Variants in CHRM2 observed in about 807,000 individuals in gnomAD.
CHRM2 encodes the protein muscarinic acetylcholine receptor M2.
A neutral mutation model predicts 25.0 loss-of-function variants in CHRM2; 8 were observed. The ratio of observed to expected loss-of-function variants is 0.32; its 90% CI spans 0.19 to 0.58. The LOEUF (loss-of-function observed/expected upper bound fraction) is 0.58. Ranked by LOEUF, CHRM2 falls within the 20% of genes least tolerant of loss-of-function variation. The probability of loss-of-function intolerance (pLI) is 0.88; values close to 1 mark genes in which losing one functional copy is unlikely to be tolerated. For synonymous variants in CHRM2, 202 were observed against 205.7 expected (o/e 0.98, Z 0.15); for missense variants, 440 against 567.1 (o/e 0.78, Z 2.28).
rs904952261 is a variant in CHRM2, at chr7:137,018,260, T to C, written c.*1994T>C. 1 of 151,850 alleles carries C rather than the reference T, an allele frequency of 6.6e-6. No homozygotes were observed. The highest frequency in any genetic ancestry group is 2.4e-5 in the African/African-American group (1 of 41,400). The allele number at this position is 151,850 out of a possible 1,614,324, so 9.4% of individuals were successfully genotyped here. A position where few individuals can be genotyped will look rare whatever the true frequency, so the allele number is the denominator to read the frequency against. On this transcript the variant is annotated 3_prime_UTR_variant, in exon 4 of 4. Transcript: ENST00000680005. ...AGAAGCAAATTGCCAGCAGTATTTA[T>C]ATTTGACTTATCCTTCGTAAAAACA...
At chr7:136,988,373 T>C (rs1332664747) in intron 2 of CHRM2, among the ~76,000 whole-genome samples, 2 of 152,088 alleles carry the variant, frequency 1.3e-5, no homozygotes, top group East Asian at 3.8e-4. Flanking sequence ...AAATCAAATT[T>C]GAGTCAGTAA....
Position 137,016,427 on chromosome 7 carries a change from C to A in CHRM2, c.*161C>A. On this transcript the variant is annotated 3_prime_UTR_variant, in exon 4 of 4. Coordinates refer to ENST00000680005, the MANE Select transcript of CHRM2 (RefSeq NM_001006630.2). Reference sequence around the variant, plus strand: ...CAGTGACACACTTATCACGCCTAGGCTCCAGTTTGCAAAAATTGCACCTTA... The same window carrying A: ...CAGTGACACACTTATCACGCCTAGGATCCAGTTTGCAAAAATTGCACCTTA... 1.4e-6 allele frequency: 1 copy of A among 734,248 alleles called. No homozygotes were observed. Among genetic ancestry groups the A allele is most frequent in the Non-Finnish European group, 2.3e-6 (1 of 441,048 alleles). The allele number at this position is 734,248 out of a possible 1,614,324, so 45.5% of individuals were successfully genotyped here.
At chr7:136,885,433 C>T (rs1299468054) in intron 2 of CHRM2, among the ~76,000 whole-genome samples, 1 of 152,198 alleles carries the variant, frequency 6.6e-6, no homozygotes, top group African/African-American at 2.4e-5. Flanking sequence ...TGAGAAATAT[C>T]CATCATTCAT....
chr7:136,998,747 G>A (rs1298495045), intron 3 of CHRM2, among the ~76,000 whole-genome samples: 1 of 152,154 alleles, frequency 6.6e-6, no homozygotes, highest in Non-Finnish European at 1.5e-5. Flanking sequence ...TGGACAATGT[G>A]TCTACTGTCA....
At chr7:136,903,591 C>A (rs1420539464) in intron 2 of CHRM2, among the ~76,000 whole-genome samples, 1 of 151,876 alleles carries the variant, frequency 6.6e-6, no homozygotes, top group Non-Finnish European at 1.5e-5. Flanking sequence ...TAGTAACAGG[C>A]AAATCTAGCA....
At chr7:136,996,053 C>T (rs1477803649) in intron 3 of CHRM2, among the ~76,000 whole-genome samples, 4 of 151,714 alleles carry the variant, frequency 2.6e-5, no homozygotes, top group South Asian at 2.1e-4. Flanking sequence ...GGTAGAACCA[C>T]ATTTCAAATT....
intron 3 of CHRM2, among the ~76,000 whole-genome samples, chr7:137,006,462 C>A (rs1804432577): frequency 6.6e-6 from 1 of 151,966 alleles, no homozygotes; most frequent in Admixed American, 6.6e-5. Flanking sequence ...TTTGTCCCAG[C>A]ATCACTAAGA....
chr7:136,979,971 A>G lies in CHRM2; in HGVS notation c.-124-12216A>G, dbSNP rs575827944. On this transcript the variant is annotated intron_variant, in intron 2 of 3. Coordinates refer to ENST00000680005, the MANE Select transcript of CHRM2 (RefSeq NM_001006630.2). Reference sequence around the variant, plus strand: ...ATAAAATTTAAAGTAGTTTTTTCTAATTCTGTGAAGAAAGTCAATGGTAGC... The same window carrying G: ...ATAAAATTTAAAGTAGTTTTTTCTAGTTCTGTGAAGAAAGTCAATGGTAGC... 3.4e-4 allele frequency among the ~76,000 whole-genome samples: 52 copies of G among 152,286 alleles called. No homozygotes were observed. The South Asian group carries it at 9.3e-3, about 27-fold the overall frequency.
chr7:136,938,915 CAAAAAAAAAAAAAAAAA>C (rs56868385), intron 2 of CHRM2, among the ~76,000 whole-genome samples: 3 of 66,952 alleles, frequency 4.5e-5, no homozygotes, highest in African/African-American at 1.1e-4. Flanking sequence ...CTAGCTCTGC[CAAAAAAAAAAAAAAAAA>C]AAAAAAAAAA....
chr7:136,916,867 T>A (rs1470187717), intron 2 of CHRM2, among the ~76,000 whole-genome samples: 1 of 151,770 alleles, frequency 6.6e-6, no homozygotes, highest in Non-Finnish European at 1.5e-5. Flanking sequence ...TCACTATGTG[T>A]GTGTGAATGA....
At chr7:137,002,302 A>ATATAAATT (rs990441073) in intron 3 of CHRM2, among the ~76,000 whole-genome samples, 1 of 152,210 alleles carries the variant, frequency 6.6e-6, no homozygotes, top group African/African-American at 2.4e-5. Flanking sequence ...TTTATAGATC[A>ATATAAATT]TGCTCTAAGC....
chr7:136,938,804 C>A (rs1237974905), intron 2 of CHRM2, among the ~76,000 whole-genome samples: 1 of 151,856 alleles, frequency 6.6e-6, no homozygotes, highest in Non-Finnish European at 1.5e-5. Flanking sequence ...TCAGCCCTAG[C>A]CCTCAGCCCA....
chr7:136,943,778 T>C (rs1315395717), intron 2 of CHRM2, among the ~76,000 whole-genome samples: 2 of 151,996 alleles, frequency 1.3e-5, no homozygotes, highest in Non-Finnish European at 2.9e-5. Context: ...AGATGGTCCA[T>C]AGCTCACTTA....
intron 3 of CHRM2, among the ~76,000 whole-genome samples, chr7:136,992,747 C>G (rs1199972848): frequency 6.6e-6 from 1 of 152,134 alleles, no homozygotes; most frequent in Non-Finnish European, 1.5e-5. Flanking sequence ...CTGTCTTTCT[C>G]TCTATCTAAA....
intron 2 of CHRM2, chr7:136,906,941 T>C: frequency 6.5e-6 from 1 of 153,144 alleles, no homozygotes; most frequent in Non-Finnish European, 1.4e-5. Context: ...CCTGAGCTTC[T>C]TTTCCCGCAA....
In CHRM2 at chr7:136,930,214, C is replaced by T. The variant is rs1584774055; in HGVS notation, c.-125+60796C>T. Among the ~76,000 whole-genome samples the T allele has an allele frequency of 2.6e-5, 4 of 152,178 alleles. No individual in the cohort carries two copies. In the South Asian group the frequency reaches 6.2e-4, roughly 24 times the overall value. ...TTGGGAAGCCGACGTGGGCAGATCACCTGAGGTCAGGAGTTTGAGACCAGC... is the reference window on the plus strand; with the variant it reads ...TTGGGAAGCCGACGTGGGCAGATCATCTGAGGTCAGGAGTTTGAGACCAGC... On this transcript the variant is annotated intron_variant, in intron 2 of 3. Coordinates refer to ENST00000680005, the MANE Select transcript of CHRM2 (RefSeq NM_001006630.2).
chr7:136,911,776 T>G (rs1458383968), intron 2 of CHRM2, among the ~76,000 whole-genome samples: 1 of 152,014 alleles, frequency 6.6e-6, no homozygotes, highest in Admixed American at 6.6e-5. Flanking sequence ...TTTTCTTATT[T>G]CTTTTCTCCT....
intron 3 of CHRM2, among the ~76,000 whole-genome samples, chr7:137,013,588 T>C (rs983833266): frequency 2.0e-5 from 3 of 151,994 alleles, no homozygotes; most frequent in Non-Finnish European, 4.4e-5. Context: ...GTGTCATATC[T>C]CTTTGATGAA....
intron 2 of CHRM2, among the ~76,000 whole-genome samples, chr7:136,907,485 A>C (rs1797618837): frequency 6.6e-6 from 1 of 151,954 alleles, no homozygotes; most frequent in Non-Finnish European, 1.5e-5. Flanking sequence ...CAGATTATCA[A>C]GAAGCACCAA....
Sources: allele counts gnomAD v4.1 joint callset (sites outside exome capture counted in the v4.1 genomes callset), GRCh38; gene constraint gnomAD v4.1.1; transcripts MANE v1.5; gene names NCBI Gene and HGNC (gene_info 2026-07-23, HGNC 2026-07-21).